Variants in NUP188 observed in about 807,000 individuals in gnomAD.
The protein encoded by NUP188 is nucleoporin 188.
Under a neutral mutation model 223.0 loss-of-function variants are expected in NUP188, and 97 were observed. That is an observed-to-expected ratio of 0.43 (90% confidence interval 0.37 to 0.51). The LOEUF is 0.51. Among genes scored for constraint, NUP188 ranks in the 20% least tolerant of loss-of-function variants. NUP188 has a pLI of 0.00. For synonymous variants in NUP188, 869 were observed against 828.0 expected (o/e 1.05, Z -0.85); for missense variants, 1,947 against 2,175.6 (o/e 0.89, Z 2.09).
chr9:128,978,453 C>T (rs1371980771), intron 12 of NUP188, among the ~76,000 whole-genome samples: 3 of 148,754 alleles, frequency 2.0e-5, no homozygotes, highest in African/African-American at 7.5e-5. Flanking sequence ...GTCCCAGCTA[C>T]TCAGGAGGCT....
intron 13 of NUP188, among the ~76,000 whole-genome samples, chr9:128,979,764 C>G (rs369389208): frequency 2.2e-3 from 332 of 152,296 alleles, no homozygotes; most frequent in African/African-American, 7.9e-3. Context: ...TCCCAAGTAG[C>G]TGGGATTACA....
chr9:129,006,777 C>A lies in NUP188; in HGVS notation c.*99C>A. 1 of 1,212,688 alleles carries A rather than the reference C, an allele frequency of 8.2e-7. No homozygotes were observed. The highest frequency in any genetic ancestry group is 1.1e-6 in the Non-Finnish European group (1 of 883,660). The allele number at this position is 1,212,688 out of a possible 1,614,324, so 75.1% of individuals were successfully genotyped here. On this transcript the variant is annotated 3_prime_UTR_variant, in exon 44 of 44. Coordinates refer to ENST00000372577, the MANE Select transcript of NUP188 (RefSeq NM_015354.3). ...CTGCTAGGGCCTATACAATGGAGGG[C>A]ACCTCCTGTCACCCCCCTCCCGGAG...
chr9:128,998,856 CTTTT>C (rs570377284), intron 32 of NUP188, among the ~76,000 whole-genome samples: 1 of 125,802 alleles, frequency 7.9e-6, no homozygotes, highest in African/African-American at 2.9e-5. Context: ...ACCCCGTATT[CTTTT>C]TTTTTTTTTT....
In NUP188 at chr9:129,003,338, G is replaced by A; in HGVS notation, c.4318G>A (p.Val1440Met). The change falls in exon 38 of 44, where the codon GTG becomes ATG. Residue 1440 changes from valine (V) to methionine (M), a missense_variant. This residue lies in a region of NUP188 where 905 missense variants were observed against 990.6 expected (regional missense o/e 0.91). Coordinates refer to ENST00000372577, the MANE Select transcript of NUP188 (RefSeq NM_015354.3). ...TLQCLNAVRT[V>M]QSLACLEEAD... ...CCAGTGCCTCAACGCAGTGAGGACA[G>A]TGCAGAGTCTGGCCTGCCTGGAGGA... The A allele has an allele frequency of 6.2e-7, 1 of 1,612,020 alleles. No homozygotes were observed. Among genetic ancestry groups the A allele is most frequent in the Non-Finnish European group, 8.5e-7 (1 of 1,179,780 alleles).
chr9:128,952,580 G>A (rs1841806779), intron 2 of NUP188, among the ~76,000 whole-genome samples, 193 bp from the exon 3 acceptor site: 1 of 151,752 alleles, frequency 6.6e-6, no homozygotes, highest in South Asian at 2.1e-4. Context: ...ATAATTAGCT[G>A]GGTGTGGTGG....
At chr9:128,999,455 G>T in intron 33 of NUP188, 138 bp downstream of exon 33, 1 of 1,310,090 alleles carries the variant, frequency 7.6e-7, no homozygotes, top group Non-Finnish European at 1.0e-6. Context: ...CTTACCCCAA[G>T]AAAGCTATTT....
chr9:128,994,215 G>A (rs1383185197), intron 27 of NUP188, among the ~76,000 whole-genome samples, 158 bp from the exon 28 acceptor site: 1 of 152,130 alleles, frequency 6.6e-6, no homozygotes, highest in African/African-American at 2.4e-5. Context: ...TTTTATCTAT[G>A]GAAACCTTTC....
chr9:128,994,804 G>T, intron 28 of NUP188, 52 bp from the exon 29 acceptor site: 1 of 1,416,604 alleles, frequency 7.1e-7, no homozygotes, highest in Non-Finnish European at 1.0e-6. Context: ...GATATACTGG[G>T]GGAGATCAGT....
At chr9:129,006,440 C>G in intron 43 of NUP188, 62 bp from the exon 44 acceptor site, 1 of 1,612,280 alleles carries the variant, frequency 6.2e-7, no homozygotes, top group South Asian at 1.1e-5. Flanking sequence ...CCTGGCAACC[C>G]CCAAGGGTCA....
chr9:128,973,324 G>A (rs1564556114), intron 12 of NUP188, 75 bp downstream of exon 12: 7 of 915,606 alleles, frequency 7.6e-6, no homozygotes, highest in Non-Finnish European at 1.2e-5. Flanking sequence ...TACCCCCATT[G>A]GATCTGATAT....
chr9:128,958,958 T>G (rs140763306), intron 7 of NUP188, 57 bp from the exon 8 acceptor site: 1 of 1,407,330 alleles, frequency 7.1e-7, no homozygotes, highest in African/African-American at 1.5e-5. Flanking sequence ...TTATTAATAT[T>G]TATTTGAATA....
chr9:128,973,270 A>C lies in NUP188; in HGVS notation c.1203+21A>C, dbSNP rs1210130836. The C allele has an allele frequency of 1.9e-6, 3 of 1,589,932 alleles. No homozygotes were observed. In the Admixed American group the frequency reaches 5.0e-5, roughly 27 times the overall value. Reference sequence around the variant, plus strand: ...AGCAGGTCAGTGTCTGGCTTTCATGAAGCTGTCTCTACTGCCCAGCTTTGC... The same window carrying C: ...AGCAGGTCAGTGTCTGGCTTTCATGCAGCTGTCTCTACTGCCCAGCTTTGC... On this transcript the variant is annotated intron_variant, in intron 12 of 43. Transcript: ENST00000372577.
intron 33 of NUP188, 95 bp downstream of exon 33, chr9:128,999,412 T>G: frequency 6.7e-7 from 1 of 1,484,730 alleles, no homozygotes; most frequent in South Asian, 1.3e-5. Flanking sequence ...CACACATTTC[T>G]TCTGGGACTT....
intron 22 of NUP188, among the ~76,000 whole-genome samples, chr9:128,987,236 A>AC (rs1842350046): frequency 6.6e-6 from 1 of 151,936 alleles, no homozygotes; most frequent in Non-Finnish European, 1.5e-5. Flanking sequence ...AGGGCCAGTT[A>AC]CTATGTATTC....
chr9:128,957,142 G>C, intron 5 of NUP188, 110 bp downstream of exon 5: 1 of 687,988 alleles, frequency 1.5e-6, no homozygotes, highest in Non-Finnish European at 2.5e-6. Flanking sequence ...AGGTGATCAG[G>C]TACCGTCATC....
chr9:128,999,383 G>A (rs772451921), intron 33 of NUP188, 66 bp downstream of exon 33: 346 of 1,566,794 alleles, frequency 2.2e-4, no homozygotes, highest in Non-Finnish European at 2.9e-4. Flanking sequence ...GCCAGGCAGG[G>A]CTTCCTTCAG....
intron 34 of NUP188, among the ~76,000 whole-genome samples, chr9:129,001,160 G>C (rs770014589): frequency 1.1e-4 from 16 of 152,134 alleles, no homozygotes; most frequent in Non-Finnish European, 1.8e-4. Flanking sequence ...AGCAGAGCAG[G>C]AGGTGGCATC....
In NUP188 at chr9:128,981,405, TC is replaced by T. The variant is rs759298166; in HGVS notation, c.1516+20del. 1.3e-6 allele frequency: 2 copies of T among 1,580,906 alleles called. No homozygotes were observed. Among genetic ancestry groups the T allele is most frequent in the African/African-American group, 1.4e-5 (1 of 72,008 alleles). ...TTATCCCCTTGGTGAGATAAAGAGA[TC>T]CCCCTTTTATGACAGCTTTTTTTTT... On this transcript the variant is annotated intron_variant, in intron 15 of 43. Coordinates refer to ENST00000372577, the MANE Select transcript of NUP188 (RefSeq NM_015354.3).
At chr9:128,998,309 G>A in intron 31 of NUP188, 81 bp downstream of exon 31, 1 of 1,290,822 alleles carries the variant, frequency 7.7e-7, no homozygotes, top group Non-Finnish European at 1.1e-6. Flanking sequence ...GAGTCTGCCA[G>A]CCAGCCGCAC....
Sources: allele counts gnomAD v4.1 joint callset (sites outside exome capture counted in the v4.1 genomes callset), GRCh38; gene constraint gnomAD v4.1.1; regional missense constraint gnomAD v4.1.1; transcripts MANE v1.5; gene names NCBI Gene and HGNC (gene_info 2026-07-23, HGNC 2026-07-21).